RFX3: variants seen among roughly 807,000 people sequenced by gnomAD.
RFX3 encodes the protein regulatory factor X3.
Under a neutral mutation model 98.6 loss-of-function variants are expected in RFX3, and 14 were observed. The ratio of observed to expected loss-of-function variants is 0.14; its 90% CI spans 0.09 to 0.22. The LOEUF is 0.22. Ranked by LOEUF, RFX3 falls within the 10% of genes least tolerant of loss-of-function variation. The pLI, the probability that RFX3 is intolerant of heterozygous loss-of-function variation, is 1.00. For synonymous variants in RFX3, 383 were observed against 328.4 expected (o/e 1.17, Z -1.80); for missense variants, 639 against 926.9 (o/e 0.69, Z 4.03).
chr9:3,405,117 G>A (rs890901641), intron 1 of RFX3, among the ~76,000 whole-genome samples: 2 of 151,926 alleles, frequency 1.3e-5, no homozygotes, highest in Admixed American at 1.3e-4. Context: ...TGCCTTCCAA[G>A]ACATTCATTT....
At chr9:3,293,615 G>A (rs765952301) in intron 5 of RFX3, among the ~76,000 whole-genome samples, 5 of 152,056 alleles carry the variant, frequency 3.3e-5, no homozygotes, top group African/African-American at 4.8e-5. Context: ...GATTGCCACA[G>A]AACAAAATAT....
At chr9:3,455,995 G>A (rs764507109) in intron 1 of RFX3, among the ~76,000 whole-genome samples, 6 of 152,142 alleles carry the variant, frequency 3.9e-5, no homozygotes, top group Non-Finnish European at 7.3e-5. Context: ...TCAAGGTGTC[G>A]GCAGATTTGG....
chr9:3,502,891 G>A lies in RFX3; in HGVS notation c.-9+22856C>T, dbSNP rs74805808. Among the ~76,000 whole-genome samples the A allele has an allele frequency of 8.3e-3, 1,260 of 152,186 alleles. 11 individuals carry two copies. The highest frequency in any genetic ancestry group is 0.029 in the African/African-American group (1,211 of 41,518). ...GCTGGAACCAGATTAACCATAAGTT[G>A]TTAACTTTAAAGGAGAGTGATGGAT... On this transcript the variant is annotated intron_variant, in intron 1 of 16. Transcript: ENST00000617270.
intron 2 of RFX3, among the ~76,000 whole-genome samples, chr9:3,382,133 A>G (rs1349391405): frequency 6.6e-6 from 1 of 152,180 alleles, no homozygotes; most frequent in Non-Finnish European, 1.5e-5. Context: ...CCTGGGCTTC[A>G]GTGATCTTCC....
intron 1 of RFX3, among the ~76,000 whole-genome samples, chr9:3,505,123 ATATATT>A (rs1230976673): frequency 4.0e-5 from 4 of 98,942 alleles, no homozygotes; most frequent in South Asian, 3.4e-4. Context: ...TTTTATTTTT[ATATATT>A]TATATTTATA....
At chr9:3,257,854 T>C (rs1004044193) in intron 13 of RFX3, among the ~76,000 whole-genome samples, 1 of 152,068 alleles carries the variant, frequency 6.6e-6, no homozygotes, top group Non-Finnish European at 1.5e-5. Context: ...CTTGAGAAAA[T>C]GTAGACGTGC....
At chr9:3,375,340 A>G (rs184634496) in intron 2 of RFX3, among the ~76,000 whole-genome samples, 162 of 152,318 alleles carry the variant, frequency 1.1e-3, no homozygotes, top group Non-Finnish European at 1.8e-3. Context: ...TTCTGATCCC[A>G]GTGAGCAAGA....
chr9:3,490,357 A>G (rs1452565376), intron 1 of RFX3: 1 of 971,044 alleles, frequency 1.0e-6, no homozygotes, highest in African/African-American at 1.8e-5. Context: ...TAAAATATTA[A>G]AAGCAAGAAC....
intron 1 of RFX3, among the ~76,000 whole-genome samples, chr9:3,422,314 T>C (rs1843517513): frequency 6.6e-6 from 1 of 152,140 alleles, no homozygotes; most frequent in Non-Finnish European, 1.5e-5. Flanking sequence ...TGAAACAAAC[T>C]TGGGCTTTGT....
At chr9:3,452,343 T>C (rs1436071886) in intron 1 of RFX3, 1 of 328,638 alleles carries the variant, frequency 3.0e-6, no homozygotes, top group Non-Finnish European at 6.5e-6. Flanking sequence ...GTAATCTCAG[T>C]GCTTTGGGAG....
intron 3 of RFX3, chr9:3,344,893 T>C (rs1563960500): frequency 1.4e-6 from 1 of 703,656 alleles, no homozygotes; most frequent in Non-Finnish European, 2.6e-6. Context: ...ATACAACAAA[T>C]AAGTAGAGTG....
At chr9:3,297,367 T>G (rs368388326) in intron 5 of RFX3, among the ~76,000 whole-genome samples, 27 of 152,180 alleles carry the variant, frequency 1.8e-4, no homozygotes, top group East Asian at 9.7e-4. Context: ...ACTCTACTTA[T>G]GAACTAATAT....
chr9:3,402,176 T>C (rs957479386), intron 1 of RFX3, among the ~76,000 whole-genome samples: 12 of 152,188 alleles, frequency 7.9e-5, no homozygotes, highest in Non-Finnish European at 1.5e-5. Flanking sequence ...TAAAAATAGG[T>C]AGTATCCACC....
chr9:3,286,872 C>T (rs935207293), intron 7 of RFX3, among the ~76,000 whole-genome samples: 62 of 151,902 alleles, frequency 4.1e-4, no homozygotes, highest in Non-Finnish European at 8.0e-4. Flanking sequence ...AATTTTCCTT[C>T]TGCTTCAATA....
At chr9:3,410,683 G>A (rs1842391969) in intron 1 of RFX3, among the ~76,000 whole-genome samples, 1 of 152,150 alleles carries the variant, frequency 6.6e-6, no homozygotes, top group African/African-American at 2.4e-5. Flanking sequence ...AGGGTAATCA[G>A]TTTTAGATGG....
intron 1 of RFX3, among the ~76,000 whole-genome samples, chr9:3,409,850 A>T (rs1842303804): frequency 5.3e-5 from 8 of 152,120 alleles, no homozygotes; most frequent in Admixed American, 5.2e-4. Context: ...CATTTCACAG[A>T]GAAACTGAGA....
intron 1 of RFX3, among the ~76,000 whole-genome samples, chr9:3,428,113 C>G (rs1000006808): frequency 8.5e-5 from 13 of 152,060 alleles, no homozygotes; most frequent in Non-Finnish European, 1.6e-4. Flanking sequence ...GAAAAGTTGC[C>G]TCATATATTT....
intron 1 of RFX3, among the ~76,000 whole-genome samples, chr9:3,438,124 CAGAGTCTTGCAT>C (rs1455576686): frequency 5.9e-5 from 9 of 152,072 alleles, no homozygotes; most frequent in Admixed American, 5.2e-4. Flanking sequence ...GTCACCTCCT[CAGAGTCTTGCAT>C]CAGGGAATGG....
At chr9:3,396,188 C>G (rs978455718) in intron 1 of RFX3, among the ~76,000 whole-genome samples, 3 of 152,014 alleles carry the variant, frequency 2.0e-5, no homozygotes, top group East Asian at 1.9e-4. Context: ...ATGCCTCCCC[C>G]CTCCCCTCCA....
Sources: allele counts gnomAD v4.1 joint callset (sites outside exome capture counted in the v4.1 genomes callset), GRCh38; gene constraint gnomAD v4.1.1; transcripts MANE v1.5; gene names NCBI Gene and HGNC (gene_info 2026-07-23, HGNC 2026-07-21).